Variants in LDB2 observed in about 807,000 individuals in gnomAD.
The protein encoded by LDB2 is LIM domain-binding protein 2.
A neutral mutation model predicts 44.3 loss-of-function variants in LDB2; 12 were observed. That is an observed-to-expected ratio of 0.27 (90% CI 0.17 to 0.44). The LOEUF is 0.44. LDB2 is among the 20% of genes least tolerant of loss of function. The pLI is 1.00. For synonymous variants in LDB2, 164 were observed against 174.8 expected, an observed-to-expected ratio of 0.94 and a Z score of 0.49; for missense variants, 344 against 473.5, an observed-to-expected ratio of 0.73 and a Z score of 2.54.
chr4:16,872,307 TTTTATC>T (rs1408390387), intron 1 of LDB2, among the ~76,000 whole-genome samples: 1 of 152,090 alleles, frequency 6.6e-6, no homozygotes, highest in Non-Finnish European at 1.5e-5. Context: ...ATTTTTATTC[TTTTATC>T]TTTATTTTTT....
intron 1 of LDB2, among the ~76,000 whole-genome samples, chr4:16,897,893 AAAATATAT>A (rs1725517001): frequency 2.1e-5 from 1 of 46,698 alleles, no homozygotes; most frequent in African/African-American, 6.6e-5. Flanking sequence ...TGTAAAAAAG[AAAATATAT>A]ATATATATAT....
intron 1 of LDB2, among the ~76,000 whole-genome samples, chr4:16,819,476 A>AG (rs1554036142): frequency 4.0e-5 from 6 of 150,896 alleles, no homozygotes; most frequent in Non-Finnish European, 4.4e-5. Flanking sequence ...AAAAAAAAAA[A>AG]AAAAGAAATT....
intron 5 of LDB2, among the ~76,000 whole-genome samples, chr4:16,524,041 A>G (rs573048951): frequency 2.6e-5 from 4 of 152,334 alleles, no homozygotes; most frequent in African/African-American, 9.6e-5. Context: ...TTACCAAGCA[A>G]TAGGTCTGAT....
chr4:16,864,562 A>G (rs1713959727), intron 1 of LDB2, among the ~76,000 whole-genome samples: 1 of 152,176 alleles, frequency 6.6e-6, no homozygotes, highest in Non-Finnish European at 1.5e-5. Context: ...GGCCCTTCTC[A>G]GGCCACTAGA....
At chr4:16,753,133 T>C (rs1361377526) in intron 2 of LDB2, among the ~76,000 whole-genome samples, 1 of 152,210 alleles carries the variant, frequency 6.6e-6, no homozygotes, top group Non-Finnish European at 1.5e-5. Context: ...ATTCTTTGCA[T>C]GTAACTTTTT....
intron 1 of LDB2, among the ~76,000 whole-genome samples, chr4:16,766,774 G>C (rs1327246581): frequency 6.6e-6 from 1 of 152,040 alleles, no homozygotes; most frequent in Non-Finnish European, 1.5e-5. Context: ...CCAAAGTGCT[G>C]GGATTACAGG....
intron 1 of LDB2, among the ~76,000 whole-genome samples, chr4:16,794,560 T>C (rs1776362304): frequency 3.3e-5 from 5 of 152,334 alleles, no homozygotes; most frequent in Admixed American, 3.3e-4. Context: ...TTGGGTCTGT[T>C]ACTCACCTTC....
intron 5 of LDB2, among the ~76,000 whole-genome samples, chr4:16,535,260 C>T (rs915997378): frequency 6.6e-6 from 1 of 152,274 alleles, no homozygotes; most frequent in Non-Finnish European, 1.5e-5. Flanking sequence ...GGCACAGATG[C>T]GATTTAGGGG....
At chr4:16,743,992 A>C (rs1351976145) in intron 2 of LDB2, among the ~76,000 whole-genome samples, 1 of 152,252 alleles carries the variant, frequency 6.6e-6, no homozygotes, top group Non-Finnish European at 1.5e-5. Flanking sequence ...AGTTAATGAC[A>C]CTTCCCCCTA....
intron 1 of LDB2, among the ~76,000 whole-genome samples, chr4:16,884,390 C>T (rs1268226224): frequency 6.6e-6 from 1 of 152,084 alleles, no homozygotes; most frequent in African/African-American, 2.4e-5. Context: ...GGTAAAGAAC[C>T]CTGGCTTGGT....
chr4:16,550,914 C>A (rs934064025), intron 5 of LDB2, among the ~76,000 whole-genome samples: 4 of 152,142 alleles, frequency 2.6e-5, no homozygotes, highest in African/African-American at 7.2e-5. Flanking sequence ...AATACAACTC[C>A]TTGCTGTACT....
intron 2 of LDB2, among the ~76,000 whole-genome samples, chr4:16,620,342 C>T (rs1367429986): frequency 6.6e-6 from 1 of 152,132 alleles, no homozygotes; most frequent in African/African-American, 2.4e-5. Flanking sequence ...AAAAACCAGA[C>T]ATAAGTAAGT....
chr4:16,885,668 A>G (rs141548567), intron 1 of LDB2, among the ~76,000 whole-genome samples: 282 of 152,308 alleles, frequency 1.9e-3, no homozygotes, highest in African/African-American at 6.2e-3. Context: ...TCTTCCCAGT[A>G]TGAATTGTGC....
chr4:16,883,139 T>C (rs1310000481), intron 1 of LDB2, among the ~76,000 whole-genome samples: 1 of 152,210 alleles, frequency 6.6e-6, no homozygotes, highest in Non-Finnish European at 1.5e-5. Flanking sequence ...CAAGACACTG[T>C]GACCAGCAAG....
chr4:16,763,374 C>T (rs371216113), intron 1 of LDB2, among the ~76,000 whole-genome samples: 20 of 147,412 alleles, frequency 1.4e-4, no homozygotes, highest in East Asian at 6.3e-4. Flanking sequence ...TAATTTTAAA[C>T]GCATAAAAAT....
chr4:16,681,618 C>CTTT (rs536589787), intron 2 of LDB2, among the ~76,000 whole-genome samples: 6 of 61,670 alleles, frequency 9.7e-5, no homozygotes, highest in East Asian at 6.1e-4. Context: ...GTATTCTATT[C>CTTT]TTTTTTTTTT....
At chr4:16,542,671 A>G (rs1013566056) in intron 5 of LDB2, among the ~76,000 whole-genome samples, 28 of 152,292 alleles carry the variant, frequency 1.8e-4, no homozygotes, top group African/African-American at 6.5e-4. Flanking sequence ...TCCAAAAACA[A>G]TAGTCTATTC....
At chr4:16,670,598 A>G (rs1037956906) in intron 2 of LDB2, among the ~76,000 whole-genome samples, 2 of 152,232 alleles carry the variant, frequency 1.3e-5, no homozygotes, top group Non-Finnish European at 2.9e-5. Context: ...CAAGTTCACA[A>G]TAAAACATGA....
intron 2 of LDB2, among the ~76,000 whole-genome samples, chr4:16,653,418 G>A (rs772438057): frequency 1.3e-5 from 2 of 152,164 alleles, no homozygotes; most frequent in Non-Finnish European, 2.9e-5. Flanking sequence ...CAACAACAAA[G>A]CAACAACTAG....
Sources: allele counts gnomAD v4.1 joint callset (sites outside exome capture counted in the v4.1 genomes callset), GRCh38; gene constraint gnomAD v4.1.1; transcripts MANE v1.5; gene names NCBI Gene and HGNC (gene_info 2026-07-23, HGNC 2026-07-21).